The following MSANTD3 variants were observed in gnomAD, a reference collection of about 807,000 sequenced individuals.
MSANTD3 encodes the protein myb/SANT-like DNA-binding domain-containing protein 3.
A neutral mutation model predicts 27.7 loss-of-function variants in MSANTD3; 11 were observed. The ratio of observed to expected loss-of-function variants is 0.40; its 90% confidence interval spans 0.25 to 0.66. The LOEUF is 0.66. Ranked by LOEUF, MSANTD3 falls within the 30% of genes least tolerant of loss-of-function variation. MSANTD3 has a pLI of 0.41. For missense variants in MSANTD3, 250 were observed against 336.5 expected, an observed-to-expected ratio of 0.74 and a Z score of 2.01; for synonymous variants, 131 against 127.2, an observed-to-expected ratio of 1.03 and a Z score of -0.20.
At chr9:100,429,379 T>G (rs1836314243) in intron 1 of MSANTD3, 1 of 152,208 alleles carries the variant, frequency 6.6e-6, no homozygotes, top group Non-Finnish European at 1.5e-5. Context: ...CAACAAGCAC[T>G]AGTACCGTAT....
intron 1 of MSANTD3, among the ~76,000 whole-genome samples, chr9:100,437,742 T>C (rs1376956967): frequency 6.6e-6 from 1 of 152,232 alleles, no homozygotes; most frequent in African/African-American, 2.4e-5. Context: ...ATTCTGAGCA[T>C]TTGCTTTTAA....
Position 100,431,072 on chromosome 9 carries a change from G to A in MSANTD3, c.-34+3679G>A, listed in dbSNP as rs537992851. Among the ~76,000 whole-genome samples the A allele has an allele frequency of 5.3e-5, 8 of 151,002 alleles. No individual in the cohort carries two copies. In the East Asian group the frequency reaches 1.6e-3, roughly 30 times the overall value. On this transcript the variant is annotated intron_variant, in intron 1 of 2. Coordinates refer to ENST00000395067, the MANE Select transcript of MSANTD3 (RefSeq NM_080655.3). Reference sequence around the variant, plus strand: ...GGCTGGAGTGCAACGGCGCAATCTCGGCTCACCGCAACTTCCACCTCCCGG... The same window carrying A: ...GGCTGGAGTGCAACGGCGCAATCTCAGCTCACCGCAACTTCCACCTCCCGG...
At chr9:100,446,566 C>T (rs1836758711) in intron 2 of MSANTD3, among the ~76,000 whole-genome samples, 1 of 152,078 alleles carries the variant, frequency 6.6e-6, no homozygotes, top group South Asian at 2.1e-4. Flanking sequence ...TGGTTCACAC[C>T]TGTAATCCTA....
At chr9:100,439,119 A>G (rs891759642) in intron 1 of MSANTD3, among the ~76,000 whole-genome samples, 2 of 152,142 alleles carry the variant, frequency 1.3e-5, no homozygotes, top group African/African-American at 4.8e-5. Context: ...ATTAATAACA[A>G]CTTTTAGGAT....
At chr9:100,446,352 C>G (rs1390538437) in intron 2 of MSANTD3, among the ~76,000 whole-genome samples, 1 of 152,102 alleles carries the variant, frequency 6.6e-6, no homozygotes, top group South Asian at 2.1e-4. Context: ...TTGTTAGTTA[C>G]GTGTTTGTTC....
intron 2 of MSANTD3, among the ~76,000 whole-genome samples, chr9:100,443,526 A>C (rs1302097758): frequency 6.6e-6 from 1 of 152,204 alleles, no homozygotes; most frequent in Non-Finnish European, 1.5e-5. Context: ...TGTGATCCAC[A>C]GTTTTGGTTT....
intron 2 of MSANTD3, among the ~76,000 whole-genome samples, chr9:100,443,569 A>AACT (rs1836682268): frequency 9.9e-5 from 15 of 152,212 alleles, no homozygotes; most frequent in Admixed American, 3.9e-4. Context: ...AAGCTCCAAA[A>AACT]GAAATTAACT....
chr9:100,435,896 T>C (rs1836468825), intron 1 of MSANTD3, among the ~76,000 whole-genome samples: 1 of 152,236 alleles, frequency 6.6e-6, no homozygotes, highest in Non-Finnish European at 1.5e-5. Flanking sequence ...CACAGACATT[T>C]AGTCCATAAA....
intron 2 of MSANTD3, chr9:100,445,172 T>G: frequency 6.2e-7 from 1 of 1,604,630 alleles, no homozygotes. Context: ...ATTTCAGTTT[T>G]CTTTCAAGAA....
In MSANTD3 at chr9:100,450,927, T is replaced by G; in HGVS notation, c.789T>G (p.Pro263=). 6.2e-7 allele frequency: 1 copy of G among 1,607,504 alleles called. No individual in the cohort carries two copies. Residue 263 remains proline (P), a synonymous_variant, in exon 3 of 3, where the codon CCT becomes CCG. Transcript: ENST00000395067. ...RKLQTFTKEW[P]VSSFNRPFPN... is the part of the protein sequence containing the mutation. ...TACAAACTTTTACCAAGGAATGGCCTGTTTCCTCATTTAACCGGCCCTTTC... is the reference window on the plus strand; with the variant it reads ...TACAAACTTTTACCAAGGAATGGCCGGTTTCCTCATTTAACCGGCCCTTTC...
chr9:100,440,585 G>C (rs138774640), intron 1 of MSANTD3, among the ~76,000 whole-genome samples: 4 of 144,992 alleles, frequency 2.8e-5, no homozygotes, highest in African/African-American at 1.0e-4. Context: ...TGATGAAAAC[G>C]TCAAATTTTT....
intron 2 of MSANTD3, among the ~76,000 whole-genome samples, chr9:100,450,121 T>C (rs1382807932): frequency 6.6e-6 from 1 of 152,130 alleles, no homozygotes; most frequent in Non-Finnish European, 1.5e-5. Context: ...AGATTACATA[T>C]ACGTGTTCAT....
intron 1 of MSANTD3, among the ~76,000 whole-genome samples, chr9:100,428,462 G>C (rs1351271490): frequency 6.6e-6 from 1 of 152,266 alleles, no homozygotes; most frequent in East Asian, 1.9e-4. Context: ...GGATGGACAA[G>C]GGGGAGAAGA....
rs144326630 is a variant in MSANTD3 at position 100,441,968 on chromosome 9, C to T, written c.30C>T (p.Ala10=). 6.2e-7 allele frequency: 1 copy of T among 1,612,310 alleles called. No homozygotes were observed. The highest frequency in any genetic ancestry group is 1.3e-5 in the African/African-American group (1 of 74,812). Residue 10 remains alanine, a synonymous_variant, in exon 2 of 3, where the codon GCC becomes GCT. Transcript: ENST00000395067. MQNNEIIKP[A]KYFSELEKSI... ...AAAACAACGAAATTATAAAGCCTGCCAAATACTTCTCAGAATTGGAAAAGA... is the reference window on the plus strand; with the variant it reads ...AAAACAACGAAATTATAAAGCCTGCTAAATACTTCTCAGAATTGGAAAAGA...
intron 1 of MSANTD3, among the ~76,000 whole-genome samples, chr9:100,438,864 G>A (rs979920025): frequency 6.6e-6 from 1 of 152,180 alleles, no homozygotes; most frequent in Non-Finnish European, 1.5e-5. Context: ...AAGGAGCCTG[G>A]ATTGGGTATC....
chr9:100,448,947 T>C, intron 2 of MSANTD3: 1 of 985,226 alleles, frequency 1.0e-6, no homozygotes, highest in Non-Finnish European at 1.2e-6. Context: ...GTGGAATAAT[T>C]AAACAGTAGC....
chr9:100,450,895 A>G lies in MSANTD3; in HGVS notation c.757A>G (p.Arg253Gly). The change falls in exon 3 of 3, where the codon AGA (arginine) becomes GGA (glycine). Residue 253 changes from arginine (R) to glycine (G), a missense_variant. Coordinates refer to ENST00000395067, the MANE Select transcript of MSANTD3 (RefSeq NM_080655.3). The stretch of plus-strand genomic sequence containing the variant: ...CAATAAAAAGAAGATGTATTGGGAA[A>G]GAAAACTACAAACTTTTACCAAGGA... Reference protein sequence around the residue: ...VLNKKKMYWERKLQTFTKEWP... With the variant: ...VLNKKKMYWEGKLQTFTKEWP... 6.2e-7 allele frequency: 1 copy of G among 1,613,322 alleles called. No individual in the cohort carries two copies.
At chr9:100,431,690 G>A (rs1019534443) in intron 1 of MSANTD3, among the ~76,000 whole-genome samples, 5 of 152,196 alleles carry the variant, frequency 3.3e-5, no homozygotes, top group Middle Eastern at 6.8e-3. Context: ...TCCATGCCTC[G>A]GAGCTCACCG....
At chr9:100,446,583 T>C (rs1331140592) in intron 2 of MSANTD3, among the ~76,000 whole-genome samples, 1 of 152,150 alleles carries the variant, frequency 6.6e-6, no homozygotes, top group African/African-American at 2.4e-5. Flanking sequence ...CCTAGCACTT[T>C]GGGAGGCCAA....
Sources: gnomAD v4.1 joint callset for allele counts (sites outside exome capture counted in the v4.1 genomes callset) on GRCh38, gnomAD v4.1.1 for gene constraint, MANE v1.5 for transcripts, NCBI Gene and HGNC (gene_info 2026-07-23, HGNC 2026-07-21) for gene names.